SBF1: variants seen among roughly 807,000 people sequenced by gnomAD.
The protein encoded by SBF1 is SET binding factor 1, also known as myotubularin-related protein 5.
SBF1 carries 65 observed loss-of-function variants against 215.8 expected under a neutral mutation model. That is an observed-to-expected ratio of 0.30 (90% CI 0.25 to 0.37). SBF1 has a LOEUF of 0.37. Among genes scored for constraint, SBF1 ranks in the 10% least tolerant of loss-of-function variants. SBF1 has a pLI of 1.00. For synonymous variants in SBF1, 1,410 were observed against 1,122.8 expected (o/e 1.26, Z -5.11); for missense variants, 2,634 against 2,667.8 (o/e 0.99, Z 0.28).
intron 36 of SBF1, among the ~76,000 whole-genome samples, chr22:50,453,943 G>T (rs1374208103): frequency 6.6e-6 from 1 of 151,974 alleles, no homozygotes; most frequent in African/African-American, 2.4e-5. Flanking sequence ...ACCACGCGCA[G>T]GACACTGCCT....
intron 15 of SBF1, among the ~76,000 whole-genome samples, chr22:50,463,686 G>A (rs936543066): frequency 6.6e-6 from 1 of 152,252 alleles, no homozygotes; most frequent in Admixed American, 6.5e-5. Flanking sequence ...CGCTCCGGAG[G>A]GAGGCCTTGC....
chr22:50,455,654 A>G, intron 31 of SBF1, 72 bp from the exon 32 acceptor site: 3 of 1,284,478 alleles, frequency 2.3e-6, no homozygotes, highest in Non-Finnish European at 3.3e-6. Flanking sequence ...CAGGCCAGAG[A>G]CCCGCATGTC....
chr22:50,462,059 G>C lies in SBF1; in HGVS notation c.2457C>G (p.Thr819=), dbSNP rs755318372. The part of the protein sequence containing the change: ...DTESGFEDAE[T]CDVAGAVVRF... ...GGACCACAGCCCCAGCTACGTCGCA[G>C]GTCTCTGCATCCTCGAAGCCGCTCT... Residue 819 remains threonine, a synonymous_variant, in exon 20 of 41, where the codon ACC becomes ACG. Transcript: ENST00000380817. The C allele has an allele frequency of 5.6e-6, 9 of 1,614,174 alleles. No homozygotes were observed. The South Asian group carries it at 7.7e-5, about 14-fold the overall frequency.
chr22:50,467,220 A>G, intron 5 of SBF1, 118 bp downstream of exon 5: 2 of 805,716 alleles, frequency 2.5e-6, no homozygotes, highest in Non-Finnish European at 4.1e-6. Context: ...ACGAGGACGC[A>G]AGAGGGAGCA....
Position 50,474,921 on chromosome 22 carries a change from GCCCCGGCCCTGGACCGCGCACCCCGGA to G in SBF1, c.-108_-82del. On this transcript the variant is annotated 5_prime_UTR_variant, in exon 1 of 41. Transcript: ENST00000380817. The stretch of plus-strand genomic sequence containing the variant: ...TCGAGGACGGCGCGCTCATGGCCCG[GCCCCGGCCCTGGACCGCGCACCCCGGA>G]CACCCCTGGTTCGCTCCGCGGCGGC... The G allele has an allele frequency of 9.4e-7, 1 of 1,068,470 alleles. No individual in the cohort carries two copies. Among genetic ancestry groups the G allele is most frequent in the Non-Finnish European group, 1.2e-6 (1 of 822,266 alleles). The allele number at this position is 1,068,470 out of a possible 1,614,324, so 66.2% of individuals were successfully genotyped here. A position where few individuals can be genotyped will look rare whatever the true frequency, so the allele number is the denominator to read the frequency against.
At chr22:50,471,132 G>C (rs1160053491) in intron 1 of SBF1, among the ~76,000 whole-genome samples, 2 of 152,170 alleles carry the variant, frequency 1.3e-5, no homozygotes, top group African/African-American at 4.8e-5. Flanking sequence ...TCCTCCCCTT[G>C]GCAACAGGAC....
rs765339338 is a variant in SBF1 at position 50,464,743 on chromosome 22, G to A, written c.1432-5C>T. The stretch of plus-strand genomic sequence containing the variant: ...CACGGCTGGGTACGGGTTCTCCTGT[G>A]GGGAGACGGCAGGTGTGGGGCAGGG... On this transcript the variant is annotated splice_region_variant and splice_polypyrimidine_tract_variant and intron_variant, in intron 13 of 40. Coordinates refer to ENST00000380817, the MANE Select transcript of SBF1 (RefSeq NM_002972.4). The A allele has an allele frequency of 6.2e-7, 1 of 1,608,338 alleles. No individual in the cohort carries two copies. The highest frequency in any genetic ancestry group is 1.3e-5 in the African/African-American group (1 of 74,908).
rs780203773 is a variant in SBF1 at position 50,460,483 on chromosome 22, G to A, written c.3146+51C>T. ...AGCACAGGGGCCTAGGAGGGTTGGA[G>A]CGGGAACACGGCTGAGGCCCAGCTG... On this transcript the variant is annotated intron_variant, in intron 24 of 40. Transcript: ENST00000380817. The A allele has an allele frequency of 1.9e-6, 3 of 1,608,798 alleles. No homozygotes were observed. In the South Asian group the frequency reaches 3.3e-5, roughly 18 times the overall value.
intron 1 of SBF1, among the ~76,000 whole-genome samples, chr22:50,469,826 C>T (rs1381694617): frequency 6.6e-6 from 1 of 152,104 alleles, no homozygotes; most frequent in Non-Finnish European, 1.5e-5. Flanking sequence ...TCTGGCAGCC[C>T]AATGGCACAC....
intron 36 of SBF1, among the ~76,000 whole-genome samples, chr22:50,451,549 T>C (rs2067048434): frequency 6.6e-6 from 1 of 152,030 alleles, no homozygotes; most frequent in Admixed American, 6.6e-5. Flanking sequence ...GAAAAAGTAA[T>C]TTATAGAAGC....
intron 1 of SBF1, among the ~76,000 whole-genome samples, chr22:50,471,925 G>C (rs544466729): frequency 1.4e-4 from 21 of 152,328 alleles, no homozygotes; most frequent in African/African-American, 5.1e-4. Context: ...AGATCCAAGG[G>C]GTCCAGCCCC....
At position 50,466,943 on chromosome 22, in the gene SBF1, G is replaced by A. The variant is rs1603434163; in HGVS notation, c.550-233C>T. The A allele has an allele frequency of 1.6e-5, 9 of 562,268 alleles. No homozygotes were observed. The East Asian group carries it at 2.7e-4, about 17-fold the overall frequency. The allele number at this position is 562,268 out of a possible 1,614,324, so 34.8% of individuals were successfully genotyped here. Reference sequence around the variant, plus strand: ...GCTTTTGACTTGGGGGTAGGGATGGGGCCTAGGTGGGCGGAAGAAACAAAG... The same window carrying A: ...GCTTTTGACTTGGGGGTAGGGATGGAGCCTAGGTGGGCGGAAGAAACAAAG... On this transcript the variant is annotated intron_variant, in intron 5 of 40. Transcript: ENST00000380817.
intron 21 of SBF1, 31 bp downstream of exon 21, chr22:50,461,765 G>C (rs1367660642): frequency 6.2e-7 from 1 of 1,611,478 alleles, no homozygotes; most frequent in Non-Finnish European, 8.5e-7. Flanking sequence ...CCGGGCCTTG[G>C]GCCCCCGCAG....
intron 36 of SBF1, among the ~76,000 whole-genome samples, chr22:50,452,162 A>C (rs199506658): frequency 0.013 from 1,894 of 150,726 alleles, 29 homozygotes; most frequent in Middle Eastern, 0.035. Flanking sequence ...AAAAAAAAAG[A>C]AGCAGCTGTC....
At position 50,458,558 on chromosome 22, in the gene SBF1, G is replaced by A. The variant is rs540484314; in HGVS notation, c.3826+697C>T. Among the ~76,000 whole-genome samples, 336 of 152,288 alleles carry A rather than the reference G, an allele frequency of 2.2e-3. 1 individual carries two copies. The highest frequency in any genetic ancestry group is 4.1e-3 in the Non-Finnish European group (281 of 68,016). On this transcript the variant is annotated intron_variant, in intron 28 of 40. Transcript: ENST00000380817. ...GGGAAGGCAGCAAGACAGGGCGATT[G>A]TAAAATGTAAGTATATAATGTGGTA...
intron 36 of SBF1, among the ~76,000 whole-genome samples, chr22:50,449,201 T>C (rs2066949270): frequency 6.7e-6 from 1 of 149,084 alleles, no homozygotes; most frequent in Non-Finnish European, 1.5e-5. Context: ...ACAATACTGA[T>C]CTTCAACACT....
At position 50,455,401 on chromosome 22, in the gene SBF1, G is replaced by C; in HGVS notation, c.4377C>G (p.Ser1459=). Residue 1459 remains serine (S), a synonymous_variant, in exon 33 of 41, where the codon TCC becomes TCG. Coordinates refer to ENST00000380817, the MANE Select transcript of SBF1 (RefSeq NM_002972.4). The stretch of plus-strand genomic sequence containing the variant: ...AGGGGTCTGAGAGCAGCTGCACCAA[G>C]GATACCACCTGCCAGCACCGCCAGG... ...DGWDITTQVV[S]LVQLLSDPFY... 6.2e-7 allele frequency: 1 copy of C among 1,612,268 alleles called. No individual in the cohort carries two copies. The highest frequency in any genetic ancestry group is 2.2e-5 in the East Asian group (1 of 44,832).
intron 24 of SBF1, 45 bp from the exon 25 acceptor site, chr22:50,460,453 A>G (rs1369792785): frequency 1.9e-6 from 3 of 1,602,410 alleles, no homozygotes; most frequent in Admixed American, 1.7e-5. Context: ...GGAGGGACAA[A>G]GATGAGCACA....
chr22:50,454,200 C>CT (rs1384637837), intron 36 of SBF1, among the ~76,000 whole-genome samples: 1 of 152,230 alleles, frequency 6.6e-6, no homozygotes, highest in Non-Finnish European at 1.5e-5. Flanking sequence ...GGTGCCTGAG[C>CT]TGCTCAAAGC....
Sources: allele counts gnomAD v4.1 joint callset (sites outside exome capture counted in the v4.1 genomes callset), GRCh38; gene constraint gnomAD v4.1.1; transcripts MANE v1.5; gene names NCBI Gene and HGNC (gene_info 2026-07-23, HGNC 2026-07-21).